Variants in SETBP1 observed in about 807,000 individuals in gnomAD.
The protein encoded by SETBP1 is SET binding protein 1.
SETBP1 carries 9 observed loss-of-function variants against 101.0 expected under a neutral mutation model. That is an observed-to-expected ratio of 0.09 (90% CI 0.05 to 0.16). The LOEUF is 0.16. Ranked by LOEUF, SETBP1 falls within the 10% of genes least tolerant of loss-of-function variation. SETBP1 has a pLI of 1.00. For synonymous variants in SETBP1, 818 were observed against 788.5 expected, an observed-to-expected ratio of 1.04 and a Z score of -0.63; for missense variants, 1,858 against 2,033.8, an observed-to-expected ratio of 0.91 and a Z score of 1.66.
At position 44,869,250 on chromosome 18, in the gene SETBP1, T is replaced by TGCAGCCAGTGACCTC. The variant is rs765524836; in HGVS notation, c.508_522dup (p.Ala170_Leu174dup). On this transcript the variant is annotated inframe_insertion, in exon 3 of 6. Transcript: ENST00000649279. ...TGCAGCTCCTCACAGCCAGTGACCT[T>TGCAGCCAGTGACCTC]GCAGCCAGTGACCTCAAAGGATTTC... The TGCAGCCAGTGACCTC allele has an allele frequency of 1.9e-6, 3 of 1,613,966 alleles. No individual in the cohort carries two copies. The highest frequency in any genetic ancestry group is 2.5e-6 in the Non-Finnish European group (3 of 1,179,922).
At chr18:45,036,446 A>G (rs989563077) in intron 4 of SETBP1, among the ~76,000 whole-genome samples, 1 of 152,212 alleles carries the variant, frequency 6.6e-6, no homozygotes, top group African/African-American at 2.4e-5. Flanking sequence ...TCGCTTTACA[A>G]ATGATTTTGA....
intron 4 of SETBP1, among the ~76,000 whole-genome samples, chr18:44,980,026 G>A (rs1490991500): frequency 6.6e-6 from 1 of 152,214 alleles, no homozygotes; most frequent in East Asian, 1.9e-4. Context: ...CTGTCTGAAT[G>A]TCGTGGTTAG....
chr18:45,009,902 C>T (rs188169010), intron 4 of SETBP1, among the ~76,000 whole-genome samples: 105 of 152,236 alleles, frequency 6.9e-4, no homozygotes, highest in African/African-American at 2.3e-3. Context: ...GTTTTTGTTT[C>T]CAGTTGGCAG....
chr18:44,731,924 C>G (rs1335854060), intron 2 of SETBP1, among the ~76,000 whole-genome samples: 1 of 152,152 alleles, frequency 6.6e-6, no homozygotes, highest in African/African-American at 2.4e-5. Context: ...GATTGTTTGC[C>G]CTGATAAGAA....
intron 2 of SETBP1, among the ~76,000 whole-genome samples, chr18:44,815,789 T>G (rs572791407): frequency 5.6e-4 from 86 of 152,268 alleles, no homozygotes; most frequent in African/African-American, 2.0e-3. Flanking sequence ...AAACTGAGAC[T>G]CAGACAGGCA....
chr18:44,757,923 C>T (rs1383308503), intron 2 of SETBP1, among the ~76,000 whole-genome samples: 1 of 152,192 alleles, frequency 6.6e-6, no homozygotes, highest in African/African-American at 2.4e-5. Context: ...AGTCCCAAGA[C>T]ATCCCAGGTA....
rs575450009 is a variant in SETBP1, at chr18:44,898,330, C to T, written c.540+29047C>T. 2.5e-3 allele frequency among the ~76,000 whole-genome samples: 388 copies of T among 152,158 alleles called. 3 individuals carry two copies. The highest frequency in any genetic ancestry group is 8.6e-3 in the African/African-American group (358 of 41,518). On this transcript the variant is annotated intron_variant, in intron 3 of 5. Transcript: ENST00000649279. ...CATTGAGGATGTGAATGGCTAGCCA[C>T]GTCTCAATTTATGGTACATAGGAGA...
chr18:44,953,755 A>C lies in SETBP1; in HGVS notation c.4000+415A>C, dbSNP rs184621621. Among the ~76,000 whole-genome samples the C allele has an allele frequency of 2.6e-5, 4 of 152,140 alleles. No homozygotes were observed. The East Asian group carries it at 7.7e-4, about 29-fold the overall frequency. On this transcript the variant is annotated intron_variant, in intron 4 of 5. Coordinates refer to ENST00000649279, the MANE Select transcript of SETBP1 (RefSeq NM_015559.3). ...AAGCCTGGGAGGAAATGACTAGCTA[A>C]TTTATCTGGCATGCCAGCTCCACAA...
intron 4 of SETBP1, among the ~76,000 whole-genome samples, chr18:45,032,265 T>G (rs2073311941): frequency 6.6e-6 from 1 of 152,190 alleles, no homozygotes; most frequent in Non-Finnish European, 1.5e-5. Context: ...TGTGAAGGAC[T>G]CGTTGGACAT....
intron 3 of SETBP1, among the ~76,000 whole-genome samples, chr18:44,934,970 T>C (rs181680342): frequency 1.3e-3 from 195 of 152,278 alleles, no homozygotes; most frequent in African/African-American, 4.6e-3. Flanking sequence ...GGCCATGGGT[T>C]GACATGGGGA....
chr18:44,991,716 A>T (rs1658632070), intron 4 of SETBP1, among the ~76,000 whole-genome samples: 1 of 152,218 alleles, frequency 6.6e-6, no homozygotes, highest in Non-Finnish European at 1.5e-5. Flanking sequence ...AATCTTTCTC[A>T]GTAATGGATC....
At chr18:44,766,004 C>T (rs960320163) in intron 2 of SETBP1, among the ~76,000 whole-genome samples, 2 of 152,246 alleles carry the variant, frequency 1.3e-5, no homozygotes, top group Non-Finnish European at 2.9e-5. Flanking sequence ...CAGGCTTCCT[C>T]ACCTAGTTCC....
At chr18:44,807,950 C>G (rs895720979) in intron 2 of SETBP1, among the ~76,000 whole-genome samples, 3 of 152,174 alleles carry the variant, frequency 2.0e-5, no homozygotes, top group Admixed American at 2.0e-4. Context: ...GGACTTTACC[C>G]TCAGGGTCAA....
chr18:44,890,983 G>A (rs534713172), intron 3 of SETBP1, among the ~76,000 whole-genome samples: 2 of 152,286 alleles, frequency 1.3e-5, no homozygotes, highest in East Asian at 3.9e-4. Flanking sequence ...TACTGATAAA[G>A]ACATACTGAA....
At chr18:44,945,042 C>T (rs867445857) in intron 3 of SETBP1, among the ~76,000 whole-genome samples, 1 of 151,998 alleles carries the variant, frequency 6.6e-6, no homozygotes, top group African/African-American at 2.4e-5. Flanking sequence ...GATACAGGTG[C>T]ACAACATGCA....
At chr18:44,971,634 G>A (rs2071862351) in intron 4 of SETBP1, among the ~76,000 whole-genome samples, 1 of 152,176 alleles carries the variant, frequency 6.6e-6, no homozygotes, top group Admixed American at 6.5e-5. Flanking sequence ...CAGTGATGAC[G>A]AGCATTTTTT....
chr18:44,791,048 T>C (rs2071361627), intron 2 of SETBP1, among the ~76,000 whole-genome samples: 1 of 152,172 alleles, frequency 6.6e-6, no homozygotes, highest in African/African-American at 2.4e-5. Context: ...TCTGCCTGCC[T>C]GGAGTTTAGA....
intron 2 of SETBP1, among the ~76,000 whole-genome samples, chr18:44,793,387 C>T (rs2071405289): frequency 6.6e-6 from 1 of 152,178 alleles, no homozygotes; most frequent in African/African-American, 2.4e-5. Context: ...GCCAGTGCCC[C>T]TCCTCAGGGG....
chr18:44,751,101 G>C (rs934077549), intron 2 of SETBP1, among the ~76,000 whole-genome samples: 1 of 152,206 alleles, frequency 6.6e-6, no homozygotes, highest in Non-Finnish European at 1.5e-5. Context: ...ACTATCTCCT[G>C]CAGGACATGG....
Sources: allele counts gnomAD v4.1 joint callset (sites outside exome capture counted in the v4.1 genomes callset), GRCh38; gene constraint gnomAD v4.1.1; transcripts MANE v1.5; gene names NCBI Gene and HGNC (gene_info 2026-07-23, HGNC 2026-07-21).